The following CLIC2 variants were observed in gnomAD, a reference collection of about 807,000 sequenced individuals.
CLIC2 encodes the protein CLIC family member 2.
In CLIC2, 9 loss-of-function variants were observed where a neutral mutation model predicts 14.8. The ratio of observed to expected loss-of-function variants is 0.61; its 90% CI spans 0.37 to 1.06. The LOEUF is 1.06. CLIC2 is among the 50% of genes least tolerant of loss of function. The probability of loss-of-function intolerance (pLI) is 0.01; values close to 1 mark genes in which losing one functional copy is unlikely to be tolerated. For synonymous variants in CLIC2, 61 were observed against 66.3 expected (o/e 0.92, Z 0.39); for missense variants, 148 against 181.4 (o/e 0.82, Z 1.06).
At position 155,276,895 on chromosome X, in the gene CLIC2, C is replaced by T. The variant is rs976859390; in HGVS notation, c.*1008G>A. 15 of 111,848 alleles carry T rather than the reference C, an allele frequency of 1.3e-4. No individual in the cohort carries two copies. The highest frequency in any genetic ancestry group is 2.6e-4 in the African/African-American group (8 of 30,885). 9.2% of individuals were successfully genotyped at this position (111,848 alleles called of 1,213,427 possible). A position where few individuals can be genotyped will look rare whatever the true frequency, so the allele number is the denominator to read the frequency against. ...TTACTTTTCTTTGAACCTATTAAAA[C>T]GCTACTTCATTTAAATTTTATCTAA... On this transcript the variant is annotated 3_prime_UTR_variant, in exon 6 of 6. Coordinates refer to ENST00000369449, the MANE Select transcript of CLIC2 (RefSeq NM_001289.6).
chrX:155,278,044 A>G lies in CLIC2; in HGVS notation c.603T>C (p.Arg201=), dbSNP rs781847414. The change falls in exon 6 of 6, where the codon CGT becomes CGC. Residue 201 remains arginine (R), a synonymous_variant. Transcript: ENST00000369449. ...NIIKVAAKKY[R]DFDIPAEFSG... ...AGAATTCTGCTGGAATGTCAAAGTCACGATATTTCTTGGCAGCAACCTAGA... is the reference window on the plus strand; with the variant it reads ...AGAATTCTGCTGGAATGTCAAAGTCGCGATATTTCTTGGCAGCAACCTAGA... 5.8e-6 allele frequency: 7 copies of G among 1,209,404 alleles called. No homozygotes were observed. The Admixed American group carries it at 1.5e-4, about 27-fold the overall frequency.
chrX:155,321,649 G>T lies in CLIC2; in HGVS notation c.57+12722C>A, dbSNP rs1240782624. On this transcript the variant is annotated intron_variant, in intron 1 of 5. Transcript: ENST00000369449. ...AGACCATCGACACTGTGAAGAAACT[G>T]CAACAACTAATGAGCAAAATAACTA... 1.1e-4 allele frequency among the ~76,000 whole-genome samples: 11 copies of T among 98,681 alleles called. No individual in the cohort carries two copies. In the Admixed American group the frequency reaches 1.2e-3, roughly 11 times the overall value. The allele number at this position is 98,681 out of a possible 115,157, so 85.7% of individuals were successfully genotyped here.
intron 5 of CLIC2, 102 bp downstream of exon 5, chrX:155,279,047 C>T (rs782251775): frequency 4.3e-5 from 28 of 643,880 alleles, no homozygotes; most frequent in Non-Finnish European, 7.3e-5. Context: ...ATGATAATGA[C>T]AAAGCTATAA....
chrX:155,302,174 C>T (rs2075021984), intron 1 of CLIC2, among the ~76,000 whole-genome samples: 1 of 107,343 alleles, frequency 9.3e-6, no homozygotes, highest in African/African-American at 3.4e-5. Flanking sequence ...CTCCTTGTAC[C>T]TCTGGTAGAA....
intron 3 of CLIC2, among the ~76,000 whole-genome samples, chrX:155,295,828 CAA>C (rs1557318282): frequency 9.0e-6 from 1 of 110,788 alleles, no homozygotes; most frequent in Non-Finnish European, 1.9e-5. Context: ...AAGATCTTTA[CAA>C]TGAAAACTAC....
chrX:155,334,225 G>C (rs187704179), intron 1 of CLIC2, 146 bp downstream of exon 1: 1 of 512,297 alleles, frequency 2.0e-6, no homozygotes, highest in African/African-American at 2.4e-5. Flanking sequence ...ACACACCCGG[G>C]CATTCTTCTA....
intron 1 of CLIC2, among the ~76,000 whole-genome samples, chrX:155,324,917 G>T (rs2075130768): frequency 9.0e-6 from 1 of 111,647 alleles, no homozygotes; most frequent in Non-Finnish European, 1.9e-5. Flanking sequence ...AAATTTACAA[G>T]AAAAAACCAA....
intron 5 of CLIC2, 62 bp from the exon 6 acceptor site, chrX:155,278,126 A>T: frequency 1.0e-6 from 1 of 1,002,611 alleles, no homozygotes. Context: ...CTATGTAGAA[A>T]TGTTTCTTAG....
chrX:155,287,387 G>A (rs1253781923), intron 3 of CLIC2, among the ~76,000 whole-genome samples: 1 of 111,240 alleles, frequency 9.0e-6, no homozygotes, highest in Non-Finnish European at 1.9e-5. Flanking sequence ...AGGCTGGAGT[G>A]CAATGACGTG....
chrX:155,285,777 G>T lies in CLIC2; in HGVS notation c.294-5709C>A, dbSNP rs187379012. Reference sequence around the variant, plus strand: ...TGAAATTACGGAGCTATCATCCTAGGTTCATTCTGAGTTTCTTATGTGAGA... The same window carrying T: ...TGAAATTACGGAGCTATCATCCTAGTTTCATTCTGAGTTTCTTATGTGAGA... On this transcript the variant is annotated intron_variant, in intron 3 of 5. Coordinates refer to ENST00000369449, the MANE Select transcript of CLIC2 (RefSeq NM_001289.6). Among the ~76,000 whole-genome samples the T allele has an allele frequency of 2.2e-3, 246 of 110,606 alleles. 1 individual carries two copies. Among genetic ancestry groups the T allele is most frequent in the Non-Finnish European group, 3.3e-3 (177 of 52,838 alleles).
At chrX:155,283,341 G>A (rs1363917159) in intron 3 of CLIC2, among the ~76,000 whole-genome samples, 1 of 111,889 alleles carries the variant, frequency 8.9e-6, no homozygotes, top group African/African-American at 3.3e-5. Flanking sequence ...TTTTGTTGTT[G>A]TTGTTTTATT....
intron 3 of CLIC2, chrX:155,291,206 A>G: frequency 1.0e-6 from 1 of 979,143 alleles, no homozygotes; most frequent in South Asian, 1.9e-5. Flanking sequence ...ACAGGGGTAA[A>G]ACAAAGGAAT....
chrX:155,291,031 G>A, intron 3 of CLIC2: 1 of 713,331 alleles, frequency 1.4e-6, no homozygotes, highest in South Asian at 2.2e-5. Context: ...TCTTTAACGT[G>A]GCCACCTCCA....
chrX:155,314,366 G>C (rs1187322283), intron 1 of CLIC2, among the ~76,000 whole-genome samples: 1 of 112,340 alleles, frequency 8.9e-6, no homozygotes, highest in Non-Finnish European at 1.9e-5. Context: ...GCAGGTGCTG[G>C]TATCCATGGC....
At chrX:155,324,593 C>T (rs1299731755) in intron 1 of CLIC2, among the ~76,000 whole-genome samples, 5 of 111,749 alleles carry the variant, frequency 4.5e-5, no homozygotes, top group African/African-American at 9.8e-5. Flanking sequence ...CCCTTCCTTA[C>T]ACCTTATACA....
At chrX:155,280,365 C>T (rs2074914239) in intron 3 of CLIC2, among the ~76,000 whole-genome samples, 1 of 112,216 alleles carries the variant, frequency 8.9e-6, no homozygotes, top group Admixed American at 9.4e-5. Context: ...GATATAATGT[C>T]AGTACAATAC....
intron 3 of CLIC2, among the ~76,000 whole-genome samples, chrX:155,284,257 T>TC (rs1335960153): frequency 9.4e-6 from 1 of 106,798 alleles, no homozygotes; most frequent in African/African-American, 3.4e-5. Flanking sequence ...CCCTGGGATT[T>TC]TTTTTTTTTT....
chrX:155,280,214 A>AT, intron 3 of CLIC2, 146 bp from the exon 4 acceptor site: 1 of 466,429 alleles, frequency 2.1e-6, no homozygotes, highest in African/African-American at 2.4e-5. Context: ...AGAAGTTTAT[A>AT]TTTTTTCCAA....
chrX:155,327,302 G>A (rs782687912), intron 1 of CLIC2, among the ~76,000 whole-genome samples: 9 of 110,847 alleles, frequency 8.1e-5, no homozygotes, highest in Admixed American at 6.7e-4. Flanking sequence ...GGCAAAAAGC[G>A]CAATTAATTT....
Sources: allele counts gnomAD v4.1 joint callset (sites outside exome capture counted in the v4.1 genomes callset), GRCh38; gene constraint gnomAD v4.1.1; transcripts MANE v1.5; gene names NCBI Gene and HGNC (gene_info 2026-07-23, HGNC 2026-07-21).